The following RABGAP1L variants were observed in gnomAD, a reference collection of about 807,000 sequenced individuals.
The protein encoded by RABGAP1L is rab GTPase-activating protein 1-like.
Under a neutral mutation model 137.7 loss-of-function variants are expected in RABGAP1L, and 63 were observed. The ratio of observed to expected loss-of-function variants is 0.46; its 90% CI spans 0.37 to 0.56. The LOEUF (loss-of-function observed/expected upper bound fraction) is 0.56. Ranked by LOEUF, RABGAP1L falls within the 20% of genes least tolerant of loss-of-function variation. The probability of loss-of-function intolerance (pLI) is 0.00; values close to 1 mark genes in which losing one functional copy is unlikely to be tolerated. For synonymous variants in RABGAP1L, 431 were observed against 433.7 expected (o/e 0.99, Z 0.08); for missense variants, 1,095 against 1,244.0 (o/e 0.88, Z 1.80).
chr1:174,807,978 CTTTT>C (rs144433289), intron 18 of RABGAP1L, among the ~76,000 whole-genome samples: 5 of 94,590 alleles, frequency 5.3e-5, no homozygotes, highest in Non-Finnish European at 4.9e-5. Context: ...ACAACAAATT[CTTTT>C]TTTTTTTTTT....
At chr1:174,833,466 A>AT (rs145386861) in intron 19 of RABGAP1L, among the ~76,000 whole-genome samples, 1,860 of 61,158 alleles carry the variant, frequency 0.03, 535 homozygotes, top group Admixed American at 0.059. Context: ...ATATATATAT[A>AT]TAGTAGAGAC....
At chr1:174,561,154 G>A (rs1018341031) in intron 13 of RABGAP1L, among the ~76,000 whole-genome samples, 3 of 152,122 alleles carry the variant, frequency 2.0e-5, no homozygotes, top group Non-Finnish European at 4.4e-5. Flanking sequence ...AAGCTGATAA[G>A]CAACTTCAGC....
intron 19 of RABGAP1L, among the ~76,000 whole-genome samples, chr1:174,913,873 G>A (rs1660435998): frequency 6.6e-6 from 1 of 152,098 alleles, no homozygotes; most frequent in South Asian, 2.1e-4. Context: ...ACACTCAAAA[G>A]AAACAAATTC....
rs1553324953 is a variant in RABGAP1L at position 174,534,802 on chromosome 1, A to AAAAAAAAAAAAAAAAT, written c.1711-102571_1711-102570insAAAAAAAAAAAAATAA. ...AAAAAAAAAAAAAAAAAAAAAAAAA[A>AAAAAAAAAAAAAAAAT]AATAATTAGAATAGTATGCCAGTAT... On this transcript the variant is annotated intron_variant, in intron 13 of 25. Coordinates refer to ENST00000681986, the MANE Select transcript of RABGAP1L (RefSeq NM_001366446.1). 8.7e-5 allele frequency among the ~76,000 whole-genome samples: 12 copies of AAAAAAAAAAAAAAAAT among 137,310 alleles called. No homozygotes were observed. The East Asian group carries it at 1.0e-3, about 12-fold the overall frequency. 90.1% of individuals were successfully genotyped at this position (137,310 alleles called of 152,430 possible).
chr1:174,764,888 A>G (rs528083641), intron 18 of RABGAP1L, among the ~76,000 whole-genome samples: 1 of 152,324 alleles, frequency 6.6e-6, no homozygotes, highest in East Asian at 1.9e-4. Flanking sequence ...TCTTGATACC[A>G]TAAAGCTGCC....
intron 14 of RABGAP1L, among the ~76,000 whole-genome samples, chr1:174,678,475 A>C (rs539772859): frequency 2.7e-4 from 41 of 152,338 alleles, no homozygotes; most frequent in South Asian, 2.5e-3. Flanking sequence ...CAAAACAAAA[A>C]AAAAAGAGTA....
intron 1 of RABGAP1L, among the ~76,000 whole-genome samples, chr1:174,206,251 T>G (rs1668498812): frequency 6.6e-6 from 1 of 152,204 alleles, no homozygotes; most frequent in African/African-American, 2.4e-5. Context: ...AGGTATCCAT[T>G]AAAGTAATGT....
At chr1:174,701,970 T>C (rs1679695609) in intron 16 of RABGAP1L, 143 bp from the exon 17 acceptor site, 1 of 645,136 alleles carries the variant, frequency 1.6e-6, no homozygotes, top group Non-Finnish European at 2.6e-6. Flanking sequence ...TCATCACTTC[T>C]GTGCAGTTAT....
At chr1:174,642,392 C>T (rs1452307424) in intron 14 of RABGAP1L, among the ~76,000 whole-genome samples, 1 of 152,068 alleles carries the variant, frequency 6.6e-6, no homozygotes, top group East Asian at 1.9e-4. Context: ...GAGTTATCTG[C>T]TGCATAATTT....
intron 13 of RABGAP1L, among the ~76,000 whole-genome samples, chr1:174,612,905 C>A (rs1671402362): frequency 6.6e-6 from 1 of 151,152 alleles, no homozygotes; most frequent in Admixed American, 6.6e-5. Context: ...TGGTGATATC[C>A]CCTTTATCAT....
rs984444737 is a variant in RABGAP1L, at chr1:174,907,212, A to G, written c.2341-50245A>G. ...AGATAGATAATGAAAAATATATAAA[A>G]TCAGACAACTGAAAGTCAAAAGGGG... On this transcript the variant is annotated intron_variant, in intron 19 of 25. Transcript: ENST00000681986. 2.0e-5 allele frequency among the ~76,000 whole-genome samples: 3 copies of G among 152,182 alleles called. No individual in the cohort carries two copies. In the East Asian group the frequency reaches 5.8e-4, roughly 29 times the overall value.
chr1:174,683,642 A>G, intron 15 of RABGAP1L, 46 bp downstream of exon 15: 1 of 1,421,696 alleles, frequency 7.0e-7, no homozygotes, highest in South Asian at 1.2e-5. Flanking sequence ...TGCCAAGTTT[A>G]TTTTACTTTC....
chr1:174,637,924 A>G (rs1674193914), intron 14 of RABGAP1L, among the ~76,000 whole-genome samples: 1 of 152,222 alleles, frequency 6.6e-6, no homozygotes, highest in Non-Finnish European at 1.5e-5. Flanking sequence ...GTTACGTCAC[A>G]TCATATATTT....
At chr1:174,535,575 G>A (rs772640983) in intron 13 of RABGAP1L, among the ~76,000 whole-genome samples, 3 of 152,090 alleles carry the variant, frequency 2.0e-5, no homozygotes, top group Non-Finnish European at 4.4e-5. Flanking sequence ...TCAGTTCAGT[G>A]GAGACATCTT....
intron 20 of RABGAP1L, among the ~76,000 whole-genome samples, chr1:174,959,164 A>G (rs1668867930): frequency 6.6e-6 from 1 of 152,224 alleles, no homozygotes; most frequent in South Asian, 2.1e-4. Context: ...CTATTAACAG[A>G]TAATGTTTGA....
chr1:174,920,457 C>T (rs575754743), intron 19 of RABGAP1L, among the ~76,000 whole-genome samples: 6 of 152,338 alleles, frequency 3.9e-5, no homozygotes, highest in Admixed American at 6.5e-5. Context: ...AGGTTCCTCT[C>T]ACAACACATG....
chr1:174,421,755 GTTGT>G (rs754040885), intron 13 of RABGAP1L, among the ~76,000 whole-genome samples: 26 of 152,030 alleles, frequency 1.7e-4, no homozygotes, highest in Non-Finnish European at 3.5e-4. Context: ...GTTTTTTGTT[GTTGT>G]TTGTTTGTTT....
intron 20 of RABGAP1L, 174 bp downstream of exon 20, chr1:174,957,723 C>CAT: frequency 2.0e-6 from 1 of 505,574 alleles, no homozygotes. Context: ...AGCAAAGTAC[C>CAT]TTTTTTTTTT....
chr1:174,286,323 A>G (rs1448432553), intron 10 of RABGAP1L, among the ~76,000 whole-genome samples: 2 of 151,974 alleles, frequency 1.3e-5, no homozygotes, highest in East Asian at 3.9e-4. Flanking sequence ...GAATTTATTT[A>G]TTATTCTAGG....
Sources: allele counts gnomAD v4.1 joint callset (sites outside exome capture counted in the v4.1 genomes callset), GRCh38; gene constraint gnomAD v4.1.1; transcripts MANE v1.5; gene names NCBI Gene and HGNC (gene_info 2026-07-23, HGNC 2026-07-21).